Variants in TMEM74 observed in about 807,000 individuals in gnomAD.
TMEM74 encodes the protein transmembrane protein 74.
In TMEM74, 13 loss-of-function variants were observed where a neutral mutation model predicts 18.1. The observed-to-expected ratio is 0.72, with a 90% confidence interval of 0.47 to 1.14. The LOEUF (loss-of-function observed/expected upper bound fraction) is 1.14, where lower values mean the gene tolerates loss of function less well. TMEM74 is among the 50% of genes most tolerant of loss of function. The probability of loss-of-function intolerance (pLI) is 0.00; values close to 1 mark genes in which losing one functional copy is unlikely to be tolerated. For synonymous variants in TMEM74, 159 were observed against 146.6 expected (o/e 1.08, Z -0.61); for missense variants, 372 against 375.9 (o/e 0.99, Z 0.09).
At chr8:108,696,517 T>A (rs1813283038) in intron 1 of TMEM74, among the ~76,000 whole-genome samples, 1 of 152,218 alleles carries the variant, frequency 6.6e-6, no homozygotes, top group Non-Finnish European at 1.5e-5. Flanking sequence ...CGGTAGCAAA[T>A]TGAAACACCA....
intron 1 of TMEM74, among the ~76,000 whole-genome samples, chr8:108,662,597 T>C (rs1230266202): frequency 6.6e-6 from 1 of 152,164 alleles, no homozygotes; most frequent in Non-Finnish European, 1.5e-5. Context: ...ATGGTCAGCC[T>C]GGCTCCATAG....
At chr8:108,678,719 G>A (rs1321409323) in intron 1 of TMEM74, among the ~76,000 whole-genome samples, 2 of 148,092 alleles carry the variant, frequency 1.4e-5, no homozygotes, top group Non-Finnish European at 3.0e-5. Context: ...AAGATTTATT[G>A]CTTTTTAAAA....
At chr8:108,641,545 C>T (rs756491556) in intron 2 of TMEM74, among the ~76,000 whole-genome samples, 2 of 152,036 alleles carry the variant, frequency 1.3e-5, no homozygotes, top group Non-Finnish European at 2.9e-5. Context: ...TGTAAGGGCT[C>T]CCACCATGTT....
intron 2 of TMEM74, among the ~76,000 whole-genome samples, chr8:108,622,398 G>C (rs962950164): frequency 1.3e-5 from 2 of 152,118 alleles, no homozygotes; most frequent in Non-Finnish European, 2.9e-5. Context: ...CTGGTAATTT[G>C]TGGGGATAGG....
chr8:108,737,785 A>G (rs1453833937), intron 1 of TMEM74, among the ~76,000 whole-genome samples: 2 of 152,194 alleles, frequency 1.3e-5, no homozygotes, highest in South Asian at 2.1e-4. Context: ...TCAAAGCAAT[A>G]TATGTGAGTC....
At chr8:108,743,209 T>C (rs1813818787) in intron 1 of TMEM74, among the ~76,000 whole-genome samples, 1 of 152,218 alleles carries the variant, frequency 6.6e-6, no homozygotes, top group Non-Finnish European at 1.5e-5. Flanking sequence ...TGATGTTGTT[T>C]ACTGTACGTA....
chr8:108,659,499 C>A (rs556752359), intron 1 of TMEM74, among the ~76,000 whole-genome samples: 2 of 152,120 alleles, frequency 1.3e-5, no homozygotes, highest in Admixed American at 6.6e-5. Context: ...TCCTTTTCTG[C>A]CATTTTTACA....
chr8:108,765,724 A>T (rs1197034304), intron 1 of TMEM74, among the ~76,000 whole-genome samples: 1 of 152,074 alleles, frequency 6.6e-6, no homozygotes, highest in Non-Finnish European at 1.5e-5. Context: ...AGTTACTTTT[A>T]ACGTTAATAA....
intron 1 of TMEM74, among the ~76,000 whole-genome samples, chr8:108,773,502 C>T (rs1363312735): frequency 1.3e-5 from 2 of 152,126 alleles, no homozygotes; most frequent in Non-Finnish European, 2.9e-5. Flanking sequence ...TGACGCTCCT[C>T]CCCTAAAACG....
Position 108,718,000 on chromosome 8 carries a change from C to T in TMEM74, n.120-62563G>A, listed in dbSNP as rs1436879673. On this transcript the variant is annotated intron_variant and non_coding_transcript_variant, in intron 1 of 3. Coordinates refer to the TMEM74 transcript ENST00000518838. The stretch of plus-strand genomic sequence containing the variant: ...TTGAGACGGAGTCTCGCTCTGTCAC[C>T]CAGGCTGGAGTGCAGTGGCGGGATC... Among the ~76,000 whole-genome samples the T allele has an allele frequency of 1.4e-4, 8 of 56,594 alleles. 3 individuals are homozygous for T. In the Admixed American group the frequency reaches 1.9e-3, roughly 13 times the overall value. 37.1% of individuals were successfully genotyped at this position (56,594 alleles called of 152,430 possible).
Position 108,695,491 on chromosome 8 carries a change from G to C in TMEM74, n.120-40054C>G, listed in dbSNP as rs528451663. On this transcript the variant is annotated intron_variant and non_coding_transcript_variant, in intron 1 of 3. Transcript: ENST00000518838. ...TCTTATTTCACTATATCTTCACAAT[G>C]ACTCTATGTCATAGTTACAATTTTT... Among the ~76,000 whole-genome samples, 14 of 152,220 alleles carry C rather than the reference G, an allele frequency of 9.2e-5. No individual in the cohort carries two copies. The South Asian group carries it at 2.9e-3, about 32-fold the overall frequency.
chr8:108,688,368 G>A (rs529353703), intron 1 of TMEM74, among the ~76,000 whole-genome samples: 43 of 152,262 alleles, frequency 2.8e-4, no homozygotes, highest in Middle Eastern at 3.4e-3. Context: ...TCATGTTCAC[G>A]CTCAGTCCAA....
At chr8:108,699,175 TCCTTCCTTCCTCCCTC>T (rs1242237628) in intron 1 of TMEM74, among the ~76,000 whole-genome samples, 2 of 75,776 alleles carry the variant, frequency 2.6e-5, no homozygotes, top group Admixed American at 1.6e-4. Context: ...CTTCCTTCCT[TCCTTCCTTCCTCCCTC>T]CCTCCCTCCC....
chr8:108,691,052 G>A (rs1400408322), intron 1 of TMEM74, among the ~76,000 whole-genome samples: 1 of 152,170 alleles, frequency 6.6e-6, no homozygotes, highest in Non-Finnish European at 1.5e-5. Flanking sequence ...GACTGGTCTA[G>A]AGCTACTGCT....
intron 1 of TMEM74, among the ~76,000 whole-genome samples, chr8:108,656,358 C>T (rs1586249397): frequency 6.6e-6 from 1 of 152,100 alleles, no homozygotes; most frequent in East Asian, 1.9e-4. Flanking sequence ...GTCACATGTT[C>T]CCTGGGAGTC....
At chr8:108,699,141 CTCTTT>C in intron 1 of TMEM74, among the ~76,000 whole-genome samples, 2 of 131,962 alleles carry the variant, frequency 1.5e-5, no homozygotes, top group African/African-American at 5.8e-5. Flanking sequence ...CCTCCCCTCC[CTCTTT>C]TCCTTCCTTC....
chr8:108,756,604 A>AGACAGGG, intron 1 of TMEM74, among the ~76,000 whole-genome samples: 1 of 40,332 alleles, frequency 2.5e-5, no homozygotes. Context: ...AAGAGAAAGG[A>AGACAGGG]AGGAAGGAAG....
chr8:108,773,957 A>T (rs1387338511), intron 1 of TMEM74, among the ~76,000 whole-genome samples: 1 of 152,208 alleles, frequency 6.6e-6, no homozygotes, highest in African/African-American at 2.4e-5. Flanking sequence ...TTAATTTTTT[A>T]AGCTACACTT....
chr8:108,747,866 A>G (rs1366030425), intron 1 of TMEM74, among the ~76,000 whole-genome samples: 1 of 152,072 alleles, frequency 6.6e-6, no homozygotes, highest in Non-Finnish European at 1.5e-5. Context: ...CTCCAGCTCC[A>G]TCCACGTCCC....
Sources: gnomAD v4.1 joint callset for allele counts (sites outside exome capture counted in the v4.1 genomes callset) on GRCh38, gnomAD v4.1.1 for gene constraint, MANE v1.5 for transcripts, NCBI Gene and HGNC (gene_info 2026-07-23, HGNC 2026-07-21) for gene names.